The following TBC1D19 variants were observed in gnomAD, a reference collection of about 807,000 sequenced individuals.
The protein encoded by TBC1D19 is TBC1 domain family member 19.
Under a neutral mutation model 89.0 loss-of-function variants are expected in TBC1D19, and 60 were observed. That is an observed-to-expected ratio of 0.67 (90% CI 0.55 to 0.84). The LOEUF (loss-of-function observed/expected upper bound fraction) is 0.84. TBC1D19 is among the 40% of genes least tolerant of loss of function. The pLI is 0.00. For synonymous variants in TBC1D19, 189 were observed against 199.7 expected (o/e 0.95, Z 0.45); for missense variants, 500 against 610.8 (o/e 0.82, Z 1.91).
chr4:26,766,871 A>T, the TBC1D19 span, among the ~76,000 whole-genome samples: 1 of 152,322 alleles, frequency 6.6e-6, no homozygotes, highest in Admixed American at 6.5e-5. Flanking sequence ...TTAATACTAA[A>T]CACTTTACGA....
chr4:26,616,239 A>G (rs1187304563), intron 3 of TBC1D19, among the ~76,000 whole-genome samples: 1 of 152,210 alleles, frequency 6.6e-6, no homozygotes, highest in Non-Finnish European at 1.5e-5. Context: ...GCTGAACTCC[A>G]GAATTAAATG....
intron 15 of TBC1D19, among the ~76,000 whole-genome samples, chr4:26,721,772 A>G (rs1320075728): frequency 6.6e-6 from 1 of 152,070 alleles, no homozygotes; most frequent in African/African-American, 2.4e-5. Flanking sequence ...ATTTTTAATT[A>G]TAGCAATATC....
chr4:26,667,005 A>G (rs1711869312), intron 9 of TBC1D19, among the ~76,000 whole-genome samples: 1 of 151,892 alleles, frequency 6.6e-6, no homozygotes, highest in African/African-American at 2.4e-5. Context: ...TAACTGTGTA[A>G]CTTGCACAAG....
intron 13 of TBC1D19, among the ~76,000 whole-genome samples, chr4:26,716,913 TGGGATCATA>T (rs774303849): frequency 6.6e-6 from 1 of 152,116 alleles, no homozygotes; most frequent in Non-Finnish European, 1.5e-5. Context: ...CCCAAAGTGC[TGGGATCATA>T]GGCATGAGCT....
In TBC1D19 at chr4:26,642,458, C is replaced by A. The variant is rs533924550; in HGVS notation, c.480+2271C>A. 1.6e-4 allele frequency among the ~76,000 whole-genome samples: 24 copies of A among 152,304 alleles called. No individual in the cohort carries two copies. The South Asian group carries it at 4.8e-3, about 30-fold the overall frequency. ...TAAACATGGAAAGGAACAACTGGTACCAGCCACTGCAAAAACATGCCAAAT... is the reference window on the plus strand; with the variant it reads ...TAAACATGGAAAGGAACAACTGGTAACAGCCACTGCAAAAACATGCCAAAT... On this transcript the variant is annotated intron_variant, in intron 7 of 20. Transcript: ENST00000264866.
chr4:26,697,814 C>T (rs1351744076), intron 13 of TBC1D19, among the ~76,000 whole-genome samples: 1 of 152,188 alleles, frequency 6.6e-6, no homozygotes, highest in African/African-American at 2.4e-5. Context: ...TTCAACAACA[C>T]TTCATGCTAA....
chr4:26,619,635 C>G (rs1181029378), intron 3 of TBC1D19, among the ~76,000 whole-genome samples: 1 of 152,124 alleles, frequency 6.6e-6, no homozygotes, highest in Non-Finnish European at 1.5e-5. Flanking sequence ...ATCAAGGTAT[C>G]TAGAGACTTA....
intron 1 of TBC1D19, among the ~76,000 whole-genome samples, chr4:26,588,110 C>G (rs1168019637): frequency 6.7e-6 from 1 of 149,956 alleles, no homozygotes; most frequent in East Asian, 2.0e-4. Context: ...ACTGCAAGCT[C>G]CGCCTCCCGG....
chr4:26,802,542 C>A, the TBC1D19 span, among the ~76,000 whole-genome samples: 1 of 152,216 alleles, frequency 6.6e-6, no homozygotes, highest in East Asian at 1.9e-4. Flanking sequence ...GCGGAGGTTG[C>A]AGTGAGCCAA....
chr4:26,786,521 C>G, the TBC1D19 span, among the ~76,000 whole-genome samples: 20 of 152,082 alleles, frequency 1.3e-4, no homozygotes, highest in Non-Finnish European at 2.4e-4. Flanking sequence ...GTAGTCCCAG[C>G]TACTCGAGAG....
chr4:26,768,839 A>C, the TBC1D19 span, among the ~76,000 whole-genome samples: 1 of 152,146 alleles, frequency 6.6e-6, no homozygotes. Flanking sequence ...TGTCACCTTT[A>C]AACAACCTAA....
chr4:26,791,061 C>T, the TBC1D19 span, among the ~76,000 whole-genome samples: 2 of 152,158 alleles, frequency 1.3e-5, no homozygotes, highest in East Asian at 3.9e-4. Context: ...CAACCTGCTC[C>T]TAGTTTTCTC....
intron 5 of TBC1D19, among the ~76,000 whole-genome samples, chr4:26,638,001 T>G (rs1743237648): frequency 6.6e-6 from 1 of 152,232 alleles, no homozygotes; most frequent in Non-Finnish European, 1.5e-5. Flanking sequence ...CGGTACCATC[T>G]TTCGGTATTA....
the TBC1D19 span, among the ~76,000 whole-genome samples, chr4:26,803,052 C>T: frequency 6.6e-6 from 1 of 152,142 alleles, no homozygotes; most frequent in South Asian, 2.1e-4. Flanking sequence ...CCTAAAGGCT[C>T]CACCTCTTAA....
At chr4:26,813,340 C>T in the TBC1D19 span, among the ~76,000 whole-genome samples, 17 of 152,306 alleles carry the variant, frequency 1.1e-4, no homozygotes, top group South Asian at 1.2e-3. Context: ...TCTTATCCCT[C>T]CTTCACAATT....
the TBC1D19 span, among the ~76,000 whole-genome samples, chr4:26,837,150 A>T: frequency 6.6e-6 from 1 of 152,138 alleles, no homozygotes; most frequent in African/African-American, 2.4e-5. Context: ...TGAATAGGAG[A>T]GTGGCAAGTC....
At chr4:26,758,950 C>A (rs1354625418), downstream of TBC1D19, among the ~76,000 whole-genome samples, 2 of 152,164 alleles carry the variant, frequency 1.3e-5, no homozygotes, top group Non-Finnish European at 2.9e-5. Context: ...ATATTTCAGA[C>A]CTACTGAACT....
chr4:26,651,154 C>T (rs1047423486), intron 7 of TBC1D19, among the ~76,000 whole-genome samples: 1 of 152,138 alleles, frequency 6.6e-6, no homozygotes, highest in Non-Finnish European at 1.5e-5. Context: ...TAGCGTGATG[C>T]CTTCGGCTTT....
rs1719250184 is a variant in TBC1D19, at chr4:26,756,097, A to G, written c.*1150A>G. ...ATTTTATTCAGTTTTACCCAAATGT[A>G]TTTTATGAGTCTTTTATTTTGGCAG... On this transcript the variant is annotated 3_prime_UTR_variant, in exon 21 of 21. Coordinates refer to ENST00000264866, the MANE Select transcript of TBC1D19 (RefSeq NM_018317.4). Among the ~76,000 whole-genome samples the G allele has an allele frequency of 6.6e-6, 1 of 152,192 alleles. No individual in the cohort carries two copies. The highest frequency in any genetic ancestry group is 2.1e-4 in the South Asian group (1 of 4,830).
Sources: allele counts gnomAD v4.1 joint callset (sites outside exome capture counted in the v4.1 genomes callset), GRCh38; gene constraint gnomAD v4.1.1; transcripts MANE v1.5; gene names NCBI Gene and HGNC (gene_info 2026-07-23, HGNC 2026-07-21).